The following GALNT13 variants were observed in gnomAD, a reference collection of about 807,000 sequenced individuals.
The protein encoded by GALNT13 is polypeptide N-acetylgalactosaminyltransferase 13.
GALNT13 carries 28 observed loss-of-function variants against 64.2 expected under a neutral mutation model. The ratio of observed to expected loss-of-function variants is 0.44; its 90% CI spans 0.32 to 0.60. GALNT13 has a LOEUF of 0.60. Ranked by LOEUF, GALNT13 falls within the 20% of genes least tolerant of loss-of-function variation. The probability of loss-of-function intolerance (pLI) is 0.05; values close to 1 mark genes in which losing one functional copy is unlikely to be tolerated. For missense variants in GALNT13, 577 were observed against 669.8 expected, an observed-to-expected ratio of 0.86 and a Z score of 1.53; for synonymous variants, 214 against 224.6, an observed-to-expected ratio of 0.95 and a Z score of 0.42.
intron 2 of GALNT13, among the ~76,000 whole-genome samples, chr2:153,911,965 G>C (rs1374198062): frequency 6.6e-6 from 1 of 152,044 alleles, no homozygotes; most frequent in East Asian, 1.9e-4. Flanking sequence ...GCTAGATAGG[G>C]GAAATTCTTA....
At chr2:153,200,663 A>G in the GALNT13 span, among the ~76,000 whole-genome samples, 22 of 152,376 alleles carry the variant, frequency 1.4e-4, 1 homozygote, top group South Asian at 3.5e-3. Context: ...AAAAAACTCA[A>G]TAGAAAGAAC....
chr2:153,411,527 C>G, the GALNT13 span, among the ~76,000 whole-genome samples: 1 of 152,078 alleles, frequency 6.6e-6, no homozygotes, highest in Non-Finnish European at 1.5e-5. Flanking sequence ...ATGCATGACA[C>G]TGAAAGAGAC....
chr2:153,478,624 G>A, the GALNT13 span: 3 of 1,370,544 alleles, frequency 2.2e-6, no homozygotes, highest in South Asian at 1.5e-5. Flanking sequence ...AGGCGGCGGC[G>A]CTGGAGGAAC....
the GALNT13 span, chr2:153,478,811 G>T: frequency 2.2e-6 from 1 of 453,570 alleles, no homozygotes; most frequent in Non-Finnish European, 4.0e-6. Flanking sequence ...GCGCTCGCTC[G>T]AGGGGGGGCT....
chr2:154,435,806 C>A (rs1700936534), intron 11 of GALNT13: 2 of 152,092 alleles, frequency 1.3e-5, no homozygotes, highest in Admixed American at 1.3e-4. Flanking sequence ...CAAAGTATTT[C>A]ACATATAATG....
the GALNT13 span, among the ~76,000 whole-genome samples, chr2:153,612,946 AAAAC>A: frequency 6.6e-6 from 1 of 152,306 alleles, no homozygotes; most frequent in East Asian, 1.9e-4. Context: ...CCATAAAAGC[AAAAC>A]AAACAGACAA....
intron 9 of GALNT13, among the ~76,000 whole-genome samples, chr2:154,357,049 A>G (rs1328944190): frequency 6.6e-6 from 1 of 152,024 alleles, no homozygotes; most frequent in Middle Eastern, 3.2e-3. Context: ...AAAAAAGAAC[A>G]TTATATTTGG....
Position 154,451,988 on chromosome 2 carries a change from T to C in GALNT13, c.*1437T>C, listed in dbSNP as rs1701889198. 3 of 152,138 alleles carry C rather than the reference T, an allele frequency of 2.0e-5. No homozygotes were observed. The South Asian group carries it at 6.2e-4, about 31-fold the overall frequency. 9.4% of individuals were successfully genotyped at this position (152,138 alleles called of 1,614,324 possible). A position where few individuals can be genotyped will look rare whatever the true frequency, so the allele number is the denominator to read the frequency against. On this transcript the variant is annotated 3_prime_UTR_variant, in exon 13 of 13. Coordinates refer to ENST00000392825, the MANE Select transcript of GALNT13 (RefSeq NM_052917.4). The stretch of plus-strand genomic sequence containing the variant: ...TTAATCATTTTGACTGCATACAAAC[T>C]ATGTCTCTGACATGCACATACACTG...
chr2:153,509,693 A>AGGCGTAGTGAATAATAGTC, the GALNT13 span, among the ~76,000 whole-genome samples: 2 of 152,222 alleles, frequency 1.3e-5, no homozygotes, highest in Admixed American at 6.5e-5. Context: ...TGGTTGAGCC[A>AGGCGTAGTGAATAATAGTC]GGCGTAGTGA....
the GALNT13 span, among the ~76,000 whole-genome samples, chr2:153,376,609 T>C: frequency 5.3e-5 from 8 of 152,152 alleles, no homozygotes; most frequent in African/African-American, 1.9e-4. Context: ...GGTGACTGAC[T>C]GCCAGAAAAA....
chr2:154,136,518 G>A (rs921439825), intron 3 of GALNT13, among the ~76,000 whole-genome samples: 1 of 152,008 alleles, frequency 6.6e-6, no homozygotes, highest in South Asian at 2.1e-4. Context: ...ATATACATAA[G>A]CAAATAATGC....
At chr2:154,309,604 T>C (rs1015437934) in intron 9 of GALNT13, among the ~76,000 whole-genome samples, 2 of 152,154 alleles carry the variant, frequency 1.3e-5, no homozygotes, top group Non-Finnish European at 2.9e-5. Flanking sequence ...AATCCAGTCT[T>C]GTGAGAGCAA....
the GALNT13 span, among the ~76,000 whole-genome samples, chr2:153,210,568 G>A: frequency 6.6e-6 from 1 of 152,132 alleles, no homozygotes; most frequent in Non-Finnish European, 1.5e-5. Context: ...TTTTGTTAAA[G>A]ATTTTTGTAC....
At position 154,140,282 on chromosome 2, in the gene GALNT13, T is replaced by C. The variant is rs563452464; in HGVS notation, c.143-55T>C. On this transcript the variant is annotated intron_variant, in intron 3 of 12. Transcript: ENST00000392825. Reference sequence around the variant, plus strand: ...TAATCAGACACACAAGTTTATTTATTCAGTTCATTATCTGTGTGTTTGTAT... The same window carrying C: ...TAATCAGACACACAAGTTTATTTATCCAGTTCATTATCTGTGTGTTTGTAT... 2.3e-6 allele frequency: 3 copies of C among 1,286,978 alleles called. No homozygotes were observed. The South Asian group carries it at 4.0e-5, about 17-fold the overall frequency. 79.7% of individuals were successfully genotyped at this position (1,286,978 alleles called of 1,614,324 possible).
the GALNT13 span, among the ~76,000 whole-genome samples, chr2:153,795,524 C>CT: frequency 6.1e-3 from 886 of 144,832 alleles, 6 homozygotes; most frequent in African/African-American, 0.017. Flanking sequence ...CAGCTAGGTA[C>CT]TTTTTTTTTT....
intron 9 of GALNT13, among the ~76,000 whole-genome samples, chr2:154,360,157 GTA>G (rs1696983039): frequency 6.6e-6 from 1 of 152,022 alleles, no homozygotes; most frequent in Admixed American, 6.6e-5. Context: ...TTGATTGTTT[GTA>G]AATATTCACA....
At chr2:153,134,718 C>T in the GALNT13 span, among the ~76,000 whole-genome samples, 1 of 152,138 alleles carries the variant, frequency 6.6e-6, no homozygotes, top group Admixed American at 6.5e-5. Context: ...TCAATATTCC[C>T]TCCAGGGAAG....
chr2:153,539,712 G>A, the GALNT13 span, among the ~76,000 whole-genome samples: 3 of 151,118 alleles, frequency 2.0e-5, no homozygotes, highest in Non-Finnish European at 2.9e-5. Context: ...TAGATATGCG[G>A]CGTTATTTCT....
In GALNT13 at chr2:154,091,942, G is replaced by A. The variant is rs563711136; in HGVS notation, c.143-48395G>A. On this transcript the variant is annotated intron_variant, in intron 3 of 12. Transcript: ENST00000392825. ...ATTACAGAACTGCTTTAAACTAATC[G>A]GATATTTTATTGTACCCTGAGAGTT... is the stretch of plus-strand genomic sequence containing the variant. Among the ~76,000 whole-genome samples the A allele has an allele frequency of 5.9e-5, 9 of 151,700 alleles. 1 individual carries two copies. In the South Asian group the frequency reaches 8.3e-4, roughly 14 times the overall value.
Sources: gnomAD v4.1 joint callset for allele counts (sites outside exome capture counted in the v4.1 genomes callset) on GRCh38, gnomAD v4.1.1 for gene constraint, MANE v1.5 for transcripts, NCBI Gene and HGNC (gene_info 2026-07-23, HGNC 2026-07-21) for gene names.